Variants in FARP2 observed in about 807,000 individuals in gnomAD.
The protein encoded by FARP2 is FERM, ARHGEF and pleckstrin domain-containing protein 2.
In FARP2, 111 loss-of-function variants were observed where a neutral mutation model predicts 130.5. The observed-to-expected ratio is 0.85, with a 90% CI of 0.73 to 1.00. FARP2 has a LOEUF of 1.00. Among genes scored for constraint, FARP2 ranks in the 50% least tolerant of loss-of-function variants. FARP2 has a pLI of 0.00. For missense variants in FARP2, 1,385 were observed against 1,346.3 expected, an observed-to-expected ratio of 1.03 and a Z score of -0.45; for synonymous variants, 504 against 516.9, an observed-to-expected ratio of 0.98 and a Z score of 0.34.
intron 8 of FARP2, among the ~76,000 whole-genome samples, chr2:241,421,779 G>C (rs1052902940): frequency 1.3e-5 from 2 of 152,140 alleles, no homozygotes; most frequent in Non-Finnish European, 2.9e-5. Context: ...GGCTTTGCTG[G>C]TGATACCTCC....
chr2:241,448,186 AC>A (rs554428069), intron 13 of FARP2, among the ~76,000 whole-genome samples: 4 of 151,072 alleles, frequency 2.6e-5, no homozygotes, highest in Admixed American at 2.0e-4. Flanking sequence ...GGCCTCACTT[AC>A]CCCCCCTACA....
At chr2:241,485,333 C>A (rs181736727) in intron 21 of FARP2, among the ~76,000 whole-genome samples, 1 of 150,436 alleles carries the variant, frequency 6.6e-6, no homozygotes, top group Non-Finnish European at 1.5e-5. Context: ...GATCTTCCCT[C>A]ATTCCCTGGG....
intron 4 of FARP2, among the ~76,000 whole-genome samples, chr2:241,406,881 C>T (rs1296328002): frequency 6.6e-6 from 1 of 152,190 alleles, no homozygotes; most frequent in Non-Finnish European, 1.5e-5. Flanking sequence ...GATCGCGGCT[C>T]ACTGCAATCC....
At chr2:241,430,594 C>T (rs2063065847) in intron 8 of FARP2, among the ~76,000 whole-genome samples, 1 of 152,210 alleles carries the variant, frequency 6.6e-6, no homozygotes, top group South Asian at 2.1e-4. Context: ...TGACTCTACT[C>T]CCTGCCCTGC....
intron 1 of FARP2, among the ~76,000 whole-genome samples, chr2:241,356,949 A>G (rs2061082632): frequency 6.6e-6 from 1 of 152,260 alleles, no homozygotes; most frequent in Admixed American, 6.5e-5. Flanking sequence ...ACTAAGGGCT[A>G]GAAATACTCA....
chr2:241,493,995 C>T lies in FARP2; in HGVS notation c.3048-13C>T, dbSNP rs372810266. 3.6e-6 allele frequency: 5 copies of T among 1,372,176 alleles called. No individual in the cohort carries two copies. In the African/African-American group the frequency reaches 4.5e-5, roughly 12 times the overall value. The allele number at this position is 1,372,176 out of a possible 1,614,324, so 85.0% of individuals were successfully genotyped here. A position where few individuals can be genotyped will look rare whatever the true frequency, so the allele number is the denominator to read the frequency against. On this transcript the variant is annotated splice_polypyrimidine_tract_variant and intron_variant, in intron 26 of 26. Coordinates refer to ENST00000264042, the MANE Select transcript of FARP2 (RefSeq NM_014808.4). ...AGATGGCTCACTGGTCTGATGGCCG[C>T]CCTCTCCTCCAGGTGGATGGAGGTG...
At position 241,401,573 on chromosome 2, in the gene FARP2, G is replaced by A. The variant is rs116147781; in HGVS notation, c.184-2255G>A. The stretch of plus-strand genomic sequence containing the variant: ...GTAGAGACAGGGTCTCTGTTGTGCC[G>A]TCTGATCTTGAACTCCAGGCCTCAA... On this transcript the variant is annotated intron_variant, in intron 2 of 26. Transcript: ENST00000264042. Among the ~76,000 whole-genome samples the A allele has an allele frequency of 5.7e-3, 873 of 151,938 alleles. 15 individuals are homozygous for A. Among genetic ancestry groups the A allele is most frequent in the African/African-American group, 0.02 (811 of 41,456 alleles).
chr2:241,377,382 C>T (rs1489599417), intron 2 of FARP2, among the ~76,000 whole-genome samples: 11 of 150,794 alleles, frequency 7.3e-5, no homozygotes, highest in African/African-American at 1.5e-4. Flanking sequence ...TCGCCCAGGC[C>T]GGACTGCGGA....
At chr2:241,441,732 C>G in intron 13 of FARP2, 176 bp downstream of exon 13, 1 of 948,144 alleles carries the variant, frequency 1.1e-6, no homozygotes, top group Non-Finnish European at 1.6e-6. Context: ...GTGGGGAGCA[C>G]CGGTGTGACC....
At chr2:241,394,763 G>A (rs1184923625) in intron 2 of FARP2, among the ~76,000 whole-genome samples, 2 of 152,188 alleles carry the variant, frequency 1.3e-5, no homozygotes, top group East Asian at 1.9e-4. Flanking sequence ...ATTATTGGAT[G>A]CTGTGTTGAG....
At chr2:241,366,125 A>ATATACATATACATATATATATACG (rs2061309659) in intron 1 of FARP2, among the ~76,000 whole-genome samples, 1 of 67,368 alleles carries the variant, frequency 1.5e-5, no homozygotes, top group African/African-American at 5.5e-5. Flanking sequence ...ATATATACGT[A>ATATACATATACATATATATATACG]TATATATATA....
At chr2:241,408,844 C>T (rs1475879500) in intron 5 of FARP2, among the ~76,000 whole-genome samples, 1 of 152,080 alleles carries the variant, frequency 6.6e-6, no homozygotes, top group African/African-American at 2.4e-5. Flanking sequence ...CGTAGAATGT[C>T]AGCTGCAAGG....
intron 23 of FARP2, 34 bp from the exon 24 acceptor site, chr2:241,491,482 G>A (rs767490048): frequency 1.9e-6 from 3 of 1,611,120 alleles, no homozygotes; most frequent in East Asian, 4.5e-5. Context: ...GGCCACAGGG[G>A]GTTCCCCCTG....
At chr2:241,403,675 C>CT (rs200810736) in intron 2 of FARP2, among the ~76,000 whole-genome samples, 153 bp from the exon 3 acceptor site, 22 of 148,958 alleles carry the variant, frequency 1.5e-4, no homozygotes, top group Non-Finnish European at 1.5e-4. Context: ...ATGCTTCAGA[C>CT]TTTTTTTTTT....
chr2:241,382,354 G>C (rs910427098), intron 2 of FARP2, among the ~76,000 whole-genome samples: 1 of 148,762 alleles, frequency 6.7e-6, no homozygotes, highest in Non-Finnish European at 1.5e-5. Flanking sequence ...GAGTGCGGTG[G>C]TGCAATCCAA....
At chr2:241,430,732 C>G (rs1245279234) in intron 8 of FARP2, among the ~76,000 whole-genome samples, 3 of 152,134 alleles carry the variant, frequency 2.0e-5, no homozygotes, top group Non-Finnish European at 4.4e-5. Context: ...TAGCCAGGCA[C>G]AGTGGGTCAT....
intron 8 of FARP2, among the ~76,000 whole-genome samples, chr2:241,421,401 A>G (rs1327307907): frequency 2.6e-5 from 4 of 152,230 alleles, no homozygotes; most frequent in African/African-American, 7.2e-5. Flanking sequence ...GCCCACTTCC[A>G]CAGCACCTCA....
At chr2:241,416,918 G>C (rs558276698) in intron 7 of FARP2, among the ~76,000 whole-genome samples, 2 of 151,696 alleles carry the variant, frequency 1.3e-5, no homozygotes, top group African/African-American at 2.4e-5. Context: ...CTAAACGAAT[G>C]AGCGAGTGAG....
At chr2:241,361,929 C>CT (rs1380140471) in intron 1 of FARP2, among the ~76,000 whole-genome samples, 1 of 151,604 alleles carries the variant, frequency 6.6e-6, no homozygotes, top group African/African-American at 2.4e-5. Flanking sequence ...GAGTTTCACT[C>CT]TGTCACCCAG....
Sources: gnomAD v4.1 joint callset for allele counts (sites outside exome capture counted in the v4.1 genomes callset) on GRCh38, gnomAD v4.1.1 for gene constraint, MANE v1.5 for transcripts, NCBI Gene and HGNC (gene_info 2026-07-23, HGNC 2026-07-21) for gene names.